Variants in DLC1 observed in about 807,000 individuals in gnomAD.
DLC1 encodes DLC1 Rho GTPase activating protein.
Under a neutral mutation model 140.3 loss-of-function variants are expected in DLC1, and 54 were observed. The ratio of observed to expected loss-of-function variants is 0.38; its 90% CI spans 0.31 to 0.48. DLC1 has a LOEUF of 0.48. DLC1 is among the 20% of genes least tolerant of loss of function. The pLI, the probability that DLC1 is intolerant of heterozygous loss-of-function variation, is 0.96. For missense variants in DLC1, 2,536 were observed against 1,907.0 expected, an observed-to-expected ratio of 1.33 and a Z score of -6.14; for synonymous variants, 986 against 728.1, an observed-to-expected ratio of 1.35 and a Z score of -5.70.
At chr8:13,391,004 A>AC (rs1358457545) in intron 4 of DLC1, among the ~76,000 whole-genome samples, 1 of 151,602 alleles carries the variant, frequency 6.6e-6, no homozygotes, top group Non-Finnish European at 1.5e-5. Flanking sequence ...AAGAAAAAAA[A>AC]AAGAAAAAAT....
chr8:13,167,277 C>G (rs139434138), intron 5 of DLC1, among the ~76,000 whole-genome samples: 30 of 152,258 alleles, frequency 2.0e-4, no homozygotes, highest in Non-Finnish European at 3.5e-4. Flanking sequence ...CTTAACATTT[C>G]CTATGTTCTT....
intron 4 of DLC1, among the ~76,000 whole-genome samples, chr8:13,374,098 A>C (rs1291112589): frequency 1.3e-5 from 2 of 152,300 alleles, no homozygotes; most frequent in Non-Finnish European, 2.9e-5. Flanking sequence ...GAAATGCTAT[A>C]AGTGAATGAA....
intron 5 of DLC1, among the ~76,000 whole-genome samples, chr8:13,139,757 C>T (rs1333945937): frequency 6.6e-6 from 1 of 152,254 alleles, no homozygotes; most frequent in Admixed American, 6.5e-5. Flanking sequence ...TTACCAAGGA[C>T]AGCTCTGATT....
chr8:13,243,532 A>G (rs1829631402), intron 5 of DLC1, among the ~76,000 whole-genome samples: 1 of 152,192 alleles, frequency 6.6e-6, no homozygotes, highest in Non-Finnish European at 1.5e-5. Flanking sequence ...ACCTAGGGTT[A>G]GAATTTTAGA....
chr8:13,349,797 T>A (rs1834549896), intron 4 of DLC1, among the ~76,000 whole-genome samples: 1 of 152,158 alleles, frequency 6.6e-6, no homozygotes, highest in African/African-American at 2.4e-5. Flanking sequence ...GGAAGGAGAA[T>A]CTAGAAAAGG....
At chr8:13,373,224 T>A (rs1835807650) in intron 4 of DLC1, among the ~76,000 whole-genome samples, 2 of 152,112 alleles carry the variant, frequency 1.3e-5, no homozygotes, top group Admixed American at 1.3e-4. Flanking sequence ...ATTATGAATC[T>A]TTTTCTTAAT....
chr8:13,128,257 C>T (rs1230744610), intron 5 of DLC1, among the ~76,000 whole-genome samples: 7 of 152,184 alleles, frequency 4.6e-5, no homozygotes, highest in Non-Finnish European at 1.0e-4. Context: ...TTTGAAAGTA[C>T]TTTCACTGAA....
At chr8:13,369,739 C>A (rs1038365283) in intron 4 of DLC1, among the ~76,000 whole-genome samples, 5 of 151,992 alleles carry the variant, frequency 3.3e-5, no homozygotes, top group Middle Eastern at 3.2e-3. Context: ...TGGAGGGTTA[C>A]ACTTGCCTCC....
chr8:13,558,640 C>T (rs898223924), intron 1 of DLC1: 4 of 152,036 alleles, frequency 2.6e-5, no homozygotes, highest in Non-Finnish European at 5.9e-5. Flanking sequence ...GGAAAGGAGG[C>T]CCTAATTACA....
At position 13,555,970 on chromosome 8, in the gene DLC1, C is replaced by T. The variant is rs530294830; in HGVS notation, c.-126+48567G>A. ...ACTTTACTAAGAAAGAAAGAGGTTG[C>T]ATTTCAGGTAATTGGAGTTCTAGAT... On this transcript the variant is annotated intron_variant, in intron 1 of 1. Transcript: ENST00000631382. Among the ~76,000 whole-genome samples the T allele has an allele frequency of 7.2e-5, 11 of 152,164 alleles. No individual in the cohort carries two copies. In the East Asian group the frequency reaches 2.1e-3, roughly 29 times the overall value.
chr8:13,541,804 C>T (rs924183333), intron 1 of DLC1, among the ~76,000 whole-genome samples: 1 of 152,198 alleles, frequency 6.6e-6, no homozygotes. Flanking sequence ...CTGCCTCGGC[C>T]TCCCAAAGTG....
intron 4 of DLC1, among the ~76,000 whole-genome samples, chr8:13,383,657 A>T (rs1008394140): frequency 6.6e-6 from 1 of 152,164 alleles, no homozygotes; most frequent in Non-Finnish European, 1.5e-5. Flanking sequence ...AGTCTGCGTG[A>T]TCAGTACAGT....
At chr8:13,395,004 T>TTCTGTCTATCTATCTA (rs754080889) in intron 3 of DLC1, among the ~76,000 whole-genome samples, 1 of 100,770 alleles carries the variant, frequency 9.9e-6, no homozygotes, top group Non-Finnish European at 1.9e-5. Context: ...CTACTACATA[T>TTCTGTCTATCTATCTA]TCTATCTATC....
At chr8:13,437,597 G>T (rs1238386433) in intron 2 of DLC1, among the ~76,000 whole-genome samples, 1 of 152,144 alleles carries the variant, frequency 6.6e-6, no homozygotes, top group African/African-American at 2.4e-5. Flanking sequence ...CTGAGGCTAT[G>T]AAGGTCGGTC....
intron 5 of DLC1, among the ~76,000 whole-genome samples, chr8:13,143,791 G>A (rs1223230488): frequency 7.1e-6 from 1 of 140,842 alleles, no homozygotes; most frequent in East Asian, 2.0e-4. Flanking sequence ...AGGCCCTGAT[G>A]TTGAAAGACC....
chr8:13,178,592 A>G (rs567229670), intron 5 of DLC1, among the ~76,000 whole-genome samples: 46 of 148,412 alleles, frequency 3.1e-4, no homozygotes, highest in African/African-American at 1.1e-3. Flanking sequence ...AAAAAAAAAG[A>G]TTACTGTTCT....
rs180815089 is a variant in DLC1, at chr8:13,547,316, T to A, written c.-125-47120A>T. Among the ~76,000 whole-genome samples the A allele has an allele frequency of 2.6e-5, 4 of 152,170 alleles. No homozygotes were observed. The East Asian group carries it at 7.7e-4, about 29-fold the overall frequency. ...AAAACTCAAAGCCTTTAGCATTATA[T>A]CAAATGACCGTCATATAGACTTGTG... On this transcript the variant is annotated intron_variant, in intron 1 of 1. Coordinates refer to the DLC1 transcript ENST00000631382.
intron 5 of DLC1, among the ~76,000 whole-genome samples, chr8:13,143,107 G>A (rs903496451): frequency 2.7e-5 from 4 of 150,010 alleles, no homozygotes; most frequent in East Asian, 3.9e-4. Flanking sequence ...GTGGGTGCAA[G>A]CCCAATAAAA....
At chr8:13,296,907 G>A (rs549164391) in intron 5 of DLC1, among the ~76,000 whole-genome samples, 22 of 151,878 alleles carry the variant, frequency 1.4e-4, no homozygotes, top group African/African-American at 4.6e-4. Context: ...TGTCATCTAC[G>A]TGTGTTGCTT....
Sources: gnomAD v4.1 joint callset for allele counts (sites outside exome capture counted in the v4.1 genomes callset) on GRCh38, gnomAD v4.1.1 for gene constraint, MANE v1.5 for transcripts, NCBI Gene and HGNC (gene_info 2026-07-23, HGNC 2026-07-21) for gene names.